Variants in TENM3 observed in about 807,000 individuals in gnomAD.
TENM3 encodes teneurin transmembrane protein 3.
TENM3 carries 63 observed loss-of-function variants against 255.1 expected under a neutral mutation model. That is an observed-to-expected ratio of 0.25 (90% CI 0.20 to 0.30). The LOEUF is 0.30. TENM3 is among the 10% of genes least tolerant of loss of function. The pLI, the probability that TENM3 is intolerant of heterozygous loss-of-function variation, is 1.00. For missense variants in TENM3, 2,929 were observed against 3,461.1 expected (o/e 0.85, Z 3.86); for synonymous variants, 1,306 against 1,322.3 (o/e 0.99, Z 0.27).
intron 3 of TENM3, among the ~76,000 whole-genome samples, chr4:182,350,789 A>G (rs1056080120): frequency 6.6e-6 from 1 of 152,168 alleles, no homozygotes; most frequent in Non-Finnish European, 1.5e-5. Context: ...GGTTCAAGCC[A>G]TTCTCCTGCC....
chr4:181,877,842 T>A, the TENM3 span, among the ~76,000 whole-genome samples: 31 of 152,296 alleles, frequency 2.0e-4, no homozygotes, highest in African/African-American at 7.5e-4. Context: ...AATAGCCACA[T>A]CTATTACATG....
intron 3 of TENM3, among the ~76,000 whole-genome samples, chr4:182,390,998 C>T (rs551047107): frequency 5.9e-5 from 9 of 152,270 alleles, no homozygotes; most frequent in African/African-American, 1.9e-4. Flanking sequence ...GTTAATTCTG[C>T]GCACCAATCC....
the TENM3 span, among the ~76,000 whole-genome samples, chr4:182,034,574 G>A: frequency 1.3e-5 from 2 of 152,270 alleles, no homozygotes; most frequent in African/African-American, 4.8e-5. Context: ...TGTAAGGCAG[G>A]CCTGGTGGTG....
the TENM3 span, among the ~76,000 whole-genome samples, chr4:181,712,776 A>G: frequency 2.6e-5 from 4 of 152,214 alleles, no homozygotes; most frequent in African/African-American, 9.6e-5. Context: ...TATTTTAAAA[A>G]TAGAAATTAC....
the TENM3 span, among the ~76,000 whole-genome samples, chr4:181,605,593 G>A: frequency 8.2e-5 from 8 of 97,184 alleles, 1 homozygote; most frequent in Non-Finnish European, 1.2e-4. Flanking sequence ...AGGAAAGAAA[G>A]AAAGAAAGAA....
chr4:181,770,674 CAAAAAAAAAAAA>C, the TENM3 span, among the ~76,000 whole-genome samples: 1 of 76,620 alleles, frequency 1.3e-5, no homozygotes, highest in Non-Finnish European at 2.4e-5. Flanking sequence ...GACTCTGTCT[CAAAAAAAAAAAA>C]AAAAAAAAAA....
chr4:182,331,343 C>G (rs1178891859), intron 2 of TENM3, among the ~76,000 whole-genome samples: 3 of 152,072 alleles, frequency 2.0e-5, no homozygotes, highest in Non-Finnish European at 4.4e-5. Flanking sequence ...GCCAGGAGTG[C>G]AAGACCAGCC....
chr4:182,233,541 T>C (rs1037836502), intron 1 of TENM3, among the ~76,000 whole-genome samples: 1 of 152,238 alleles, frequency 6.6e-6, no homozygotes, highest in Non-Finnish European at 1.5e-5. Context: ...TACAAAACTG[T>C]ATGCTGCTTA....
In TENM3 at chr4:182,714,241, A is replaced by G. The variant is rs1388299160; in HGVS notation, c.2368+8A>G. ...GCAAGGACAATGAAGGAGGTAAGAA[A>G]TACTGAGCATGAACACGAGTCTGTG... On this transcript the variant is annotated splice_region_variant and intron_variant, in intron 13 of 27. Transcript: ENST00000511685. 2 of 1,610,738 alleles carry G rather than the reference A, an allele frequency of 1.2e-6. No individual in the cohort carries two copies. Among genetic ancestry groups the G allele is most frequent in the East Asian group, 2.2e-5 (1 of 44,676 alleles).
At chr4:182,096,153 G>A in the TENM3 span, among the ~76,000 whole-genome samples, 1 of 149,374 alleles carries the variant, frequency 6.7e-6, no homozygotes, top group Non-Finnish European at 1.5e-5. Flanking sequence ...AAGAAGATAA[G>A]TAAGGAACAT....
At chr4:182,111,012 C>T in the TENM3 span, among the ~76,000 whole-genome samples, 1 of 152,066 alleles carries the variant, frequency 6.6e-6, no homozygotes, top group Non-Finnish European at 1.5e-5. Flanking sequence ...TGAATGCTTC[C>T]ATGTAAGTTT....
the TENM3 span, among the ~76,000 whole-genome samples, chr4:182,110,892 C>T: frequency 1.3e-5 from 2 of 152,098 alleles, no homozygotes; most frequent in Non-Finnish European, 1.5e-5. Flanking sequence ...ACTATAAGGC[C>T]ATTATAATTT....
the TENM3 span, among the ~76,000 whole-genome samples, chr4:181,994,957 A>C: frequency 2.0e-5 from 3 of 152,172 alleles, no homozygotes; most frequent in African/African-American, 7.2e-5. Flanking sequence ...ATTGGAATTG[A>C]ACTACACTTA....
chr4:182,526,338 T>A (rs1739178156), intron 3 of TENM3, among the ~76,000 whole-genome samples: 1 of 152,080 alleles, frequency 6.6e-6, no homozygotes, highest in Non-Finnish European at 1.5e-5. Context: ...CCATTTCAAG[T>A]GCACCGCCCC....
chr4:182,759,100 C>T (rs1459335788), intron 22 of TENM3, among the ~76,000 whole-genome samples: 2 of 152,176 alleles, frequency 1.3e-5, no homozygotes, highest in African/African-American at 4.8e-5. Flanking sequence ...GAATTAGTTG[C>T]AATTACTTAC....
chr4:181,956,171 G>A, the TENM3 span, among the ~76,000 whole-genome samples: 1 of 152,052 alleles, frequency 6.6e-6, no homozygotes, highest in African/African-American at 2.4e-5. Context: ...CTTCCTAAGG[G>A]CACTACTCAC....
At chr4:181,470,662 A>G in the TENM3 span, among the ~76,000 whole-genome samples, 1 of 152,182 alleles carries the variant, frequency 6.6e-6, no homozygotes, top group Non-Finnish European at 1.5e-5. Flanking sequence ...AACGTCTTCA[A>G]ACTTTCTCTC....
At chr4:182,335,261 G>A (rs558586435) in intron 2 of TENM3, among the ~76,000 whole-genome samples, 3 of 145,942 alleles carry the variant, frequency 2.1e-5, no homozygotes, top group African/African-American at 7.6e-5. Context: ...CACTTTGGGA[G>A]GCTGAGGCGG....
At chr4:181,589,121 A>G in the TENM3 span, among the ~76,000 whole-genome samples, 2 of 152,226 alleles carry the variant, frequency 1.3e-5, no homozygotes, top group Non-Finnish European at 2.9e-5. Context: ...CATTTTAAAA[A>G]TAGAGGCAAC....
Sources: gnomAD v4.1 joint callset for allele counts (sites outside exome capture counted in the v4.1 genomes callset) on GRCh38, gnomAD v4.1.1 for gene constraint, MANE v1.5 for transcripts, NCBI Gene and HGNC (gene_info 2026-07-23, HGNC 2026-07-21) for gene names.